The following MPC1 variants were observed in gnomAD, a reference collection of about 807,000 sequenced individuals.
MPC1 encodes HSPC040 protein.
A neutral mutation model predicts 13.9 loss-of-function variants in MPC1; 6 were observed. The observed-to-expected ratio is 0.43, with a 90% CI of 0.24 to 0.85. MPC1 has a LOEUF of 0.85. Ranked by LOEUF, MPC1 falls within the 40% of genes least tolerant of loss-of-function variation. The pLI, the probability that MPC1 is intolerant of heterozygous loss-of-function variation, is 0.24. For missense variants in MPC1, 115 were observed against 143.3 expected, an observed-to-expected ratio of 0.80 and a Z score of 1.01; for synonymous variants, 47 against 50.5, an observed-to-expected ratio of 0.93 and a Z score of 0.29.
intron 1 of MPC1, among the ~76,000 whole-genome samples, chr6:166,373,298 C>T (rs1779449823): frequency 6.6e-6 from 1 of 152,158 alleles, no homozygotes; most frequent in Non-Finnish European, 1.5e-5. Flanking sequence ...TGTGCCCCAC[C>T]TCAACCCTTG....
At chr6:166,369,418 T>TA (rs752562283) in intron 2 of MPC1, 104 of 153,698 alleles carry the variant, frequency 6.8e-4, no homozygotes, top group African/African-American at 2.5e-3. Flanking sequence ...GAAAAAAAAT[T>TA]AAAAAAATAA....
Position 166,380,953 on chromosome 6 carries a change from A to G in MPC1, c.71+1853T>C, listed in dbSNP as rs564625715. Among the ~76,000 whole-genome samples, 38 of 151,602 alleles carry G rather than the reference A, an allele frequency of 2.5e-4. 1 individual carries two copies. The highest frequency in any genetic ancestry group is 8.7e-4 in the African/African-American group (36 of 41,426). ...AAACTCTGTCTCAAAAAAAAAAAAAAAAAAAAAAAAAGAAAAGAAAACGGT... is the reference window on the plus strand; with the variant it reads ...AAACTCTGTCTCAAAAAAAAAAAAAGAAAAAAAAAAAGAAAAGAAAACGGT... On this transcript the variant is annotated intron_variant, in intron 1 of 4. Transcript: ENST00000360961.
rs183946864 is a variant in MPC1, at chr6:166,377,454, A to C, written c.71+5352T>G. On this transcript the variant is annotated intron_variant, in intron 1 of 4. Transcript: ENST00000360961. ...GGAGCAGAGGAGCTGCTTTTAGGTC[A>C]GTCTAATTTTTCCAAAATTATGGTA... Among the ~76,000 whole-genome samples the C allele has an allele frequency of 5.4e-4, 82 of 152,338 alleles. 1 individual carries two copies. Among genetic ancestry groups the C allele is most frequent in the Middle Eastern group, 3.4e-3 (1 of 294 alleles).
At chr6:166,370,647 A>T (rs1779344365) in intron 1 of MPC1, among the ~76,000 whole-genome samples, 1 of 152,220 alleles carries the variant, frequency 6.6e-6, no homozygotes, top group South Asian at 2.1e-4. Context: ...TGAGGCCAGG[A>T]ATTCACTATT....
At chr6:166,382,651 G>A (rs960747719) in intron 1 of MPC1, among the ~76,000 whole-genome samples, 155 bp downstream of exon 1, 17 of 152,160 alleles carry the variant, frequency 1.1e-4, no homozygotes, top group Non-Finnish European at 2.4e-4. Flanking sequence ...TCCGGGTGGG[G>A]CCCCCCTGAC....
intron 1 of MPC1, among the ~76,000 whole-genome samples, chr6:166,382,167 G>A (rs1779811945): frequency 6.6e-6 from 1 of 152,188 alleles, no homozygotes; most frequent in African/African-American, 2.4e-5. Flanking sequence ...TGCCAACCAT[G>A]GGAGAGGAAC....
chr6:166,370,069 G>T, intron 2 of MPC1, 149 bp downstream of exon 2: 1 of 735,226 alleles, frequency 1.4e-6, no homozygotes, highest in South Asian at 1.4e-5. Flanking sequence ...CCCAGGACAG[G>T]CCAGGGTGCA....
At position 166,382,817 on chromosome 6, in the gene MPC1, G is replaced by A; in HGVS notation, c.60C>T (p.Asp20=). Residue 20 remains aspartate (D), a synonymous_variant, in exon 1 of 5, where the codon GAC becomes GAT. Coordinates refer to ENST00000360961, the MANE Select transcript of MPC1 (RefSeq NM_016098.4). ...ADYVRSKDFR[D]YLMSTHFWGP... ...GCGGCGCTCGTCACCTCATGAGGTA[G>A]TCCCGGAAATCCTTGCTTCGGACAT... The A allele has an allele frequency of 6.3e-7, 1 of 1,596,514 alleles. No individual in the cohort carries two copies. The highest frequency in any genetic ancestry group is 8.5e-7 in the Non-Finnish European group (1 of 1,173,216).
chr6:166,371,857 T>A (rs1485699871), intron 1 of MPC1, among the ~76,000 whole-genome samples: 3 of 152,208 alleles, frequency 2.0e-5, no homozygotes, highest in African/African-American at 7.2e-5. Flanking sequence ...TGAACTGATA[T>A]AAAAATTTTG....
intron 1 of MPC1, among the ~76,000 whole-genome samples, chr6:166,382,180 G>A (rs558340653): frequency 5.9e-5 from 9 of 152,224 alleles, no homozygotes; most frequent in South Asian, 2.1e-4. Flanking sequence ...AGAGGAACGA[G>A]CCTCTGTCAC....
chr6:166,374,247 C>A (rs1483461039), intron 1 of MPC1, among the ~76,000 whole-genome samples: 2 of 152,318 alleles, frequency 1.3e-5, no homozygotes. Context: ...CCTGCCTTGG[C>A]CTCCCAAAGT....
intron 1 of MPC1, among the ~76,000 whole-genome samples, chr6:166,379,727 G>C (rs1779698923): frequency 6.6e-6 from 1 of 152,160 alleles, no homozygotes; most frequent in South Asian, 2.1e-4. Context: ...TGTACAACAG[G>C]CAACTGATGA....
At chr6:166,375,233 C>T (rs1281859936) in intron 1 of MPC1, among the ~76,000 whole-genome samples, 2 of 152,182 alleles carry the variant, frequency 1.3e-5, no homozygotes, top group Admixed American at 6.5e-5. Flanking sequence ...GTTCATGTTT[C>T]AACAAGGACA....
chr6:166,376,435 C>T (rs1779571786), intron 1 of MPC1, among the ~76,000 whole-genome samples: 1 of 152,198 alleles, frequency 6.6e-6, no homozygotes. Context: ...AATGGAAGTC[C>T]AAGCTCCAGA....
chr6:166,374,261 G>A (rs1163860017), intron 1 of MPC1, among the ~76,000 whole-genome samples: 1 of 152,174 alleles, frequency 6.6e-6, no homozygotes, highest in African/African-American at 2.4e-5. Context: ...CCAAAGTGCT[G>A]GGATTACAGG....
Position 166,366,809 on chromosome 6 carries a change from C to A in MPC1, c.158G>T (p.Gly53Val), listed in dbSNP as rs1247738719. ...TGCATTCTTACCAAATGTCATCCGC[C>A]CACTGATAATCTCTGGAGACTTTTT... ...DMKKSPEIISGRMTFALCCYS... is the reference protein window; with the variant it reads ...DMKKSPEIISVRMTFALCCYS... Residue 53 changes from glycine (G) to valine (V), a missense_variant, in exon 3 of 5, where the codon GGG becomes GTG. Gly to Val is a moderately radical substitution (Grantham distance 109). Around this residue, in one of 3 missense-constraint regions of MPC1, gnomAD observed 71 missense variants for 88.5 expected, o/e 0.80. Transcript: ENST00000360961. 2 of 1,613,952 alleles carry A rather than the reference C, an allele frequency of 1.2e-6. No individual in the cohort carries two copies. The highest frequency in any genetic ancestry group is 4.5e-5 in the East Asian group (2 of 44,876).
chr6:166,381,285 AAGTC>A (rs1297754242), intron 1 of MPC1, among the ~76,000 whole-genome samples: 1 of 152,224 alleles, frequency 6.6e-6, no homozygotes, highest in Non-Finnish European at 1.5e-5. Flanking sequence ...CTTTTTTTGA[AAGTC>A]AGAAGTGAAG....
chr6:166,380,955 A>G (rs989086203), intron 1 of MPC1, among the ~76,000 whole-genome samples: 1 of 151,508 alleles, frequency 6.6e-6, no homozygotes, highest in East Asian at 1.9e-4. Context: ...AAAAAAAAAA[A>G]AAAAAAAAAG....
chr6:166,380,772 T>A (rs2114981263), intron 1 of MPC1, among the ~76,000 whole-genome samples: 1 of 152,004 alleles, frequency 6.6e-6, no homozygotes, highest in East Asian at 1.9e-4. Flanking sequence ...AAACCCCGTC[T>A]CTATTAAAAA....
Sources: allele counts gnomAD v4.1 joint callset (sites outside exome capture counted in the v4.1 genomes callset), GRCh38; gene constraint gnomAD v4.1.1; regional missense constraint gnomAD v4.1.1; transcripts MANE v1.5; gene names NCBI Gene and HGNC (gene_info 2026-07-23, HGNC 2026-07-21).